AKAP6: variants seen among roughly 807,000 people sequenced by gnomAD.
AKAP6 encodes A-kinase anchor protein 6.
Under a neutral mutation model 188.5 loss-of-function variants are expected in AKAP6, and 58 were observed. The ratio of observed to expected loss-of-function variants is 0.31; its 90% CI spans 0.25 to 0.38. AKAP6 has a LOEUF of 0.38. Among genes scored for constraint, AKAP6 ranks in the 10% least tolerant of loss-of-function variants. The pLI is 1.00. For missense variants in AKAP6, 2,710 were observed against 2,740.0 expected (o/e 0.99, Z 0.24); for synonymous variants, 989 against 998.6 (o/e 0.99, Z 0.18).
intron 2 of AKAP6, chr14:32,474,028 G>A (rs963050330): frequency 6.6e-6 from 1 of 152,300 alleles, no homozygotes; most frequent in Non-Finnish European, 1.5e-5. Flanking sequence ...CTCTCAAGTA[G>A]CTGGGATTAC....
At chr14:32,576,953 G>GA (rs1884746530) in intron 4 of AKAP6, among the ~76,000 whole-genome samples, 167 bp from the exon 5 acceptor site, 1 of 152,158 alleles carries the variant, frequency 6.6e-6, no homozygotes, top group Admixed American at 6.5e-5. Flanking sequence ...TCAGGTCCAG[G>GA]AATAGTGGAA....
intron 2 of AKAP6, among the ~76,000 whole-genome samples, chr14:32,447,502 C>T (rs1453267249): frequency 2.6e-5 from 4 of 152,162 alleles, no homozygotes; most frequent in East Asian, 1.9e-4. Flanking sequence ...AGTTAGGACT[C>T]GGCCAAAAAA....
chr14:32,497,023 G>A (rs576177282), intron 2 of AKAP6, among the ~76,000 whole-genome samples: 4 of 152,210 alleles, frequency 2.6e-5, no homozygotes, highest in African/African-American at 7.2e-5. Context: ...TGCTGCCTAC[G>A]GTGTTTTTGA....
intron 1 of AKAP6, among the ~76,000 whole-genome samples, chr14:32,392,474 A>C (rs1017215802): frequency 8.5e-5 from 13 of 152,186 alleles, no homozygotes; most frequent in Non-Finnish European, 1.5e-4. Context: ...TGGCTTTAGT[A>C]TACATACATA....
chr14:32,685,711 C>T (rs192362117), intron 8 of AKAP6, among the ~76,000 whole-genome samples: 13 of 123,068 alleles, frequency 1.1e-4, no homozygotes, highest in Middle Eastern at 5.6e-3. Flanking sequence ...GGCGACAGAG[C>T]GAGACTCCAT....
chr14:32,382,333 A>ACATC, intron 1 of AKAP6, among the ~76,000 whole-genome samples: 1 of 152,214 alleles, frequency 6.6e-6, no homozygotes, highest in South Asian at 2.1e-4. Flanking sequence ...TCAGAGTGGG[A>ACATC]CATCACAGGT....
chr14:32,689,198 T>G (rs1890060677), intron 8 of AKAP6, among the ~76,000 whole-genome samples: 1 of 152,212 alleles, frequency 6.6e-6, no homozygotes, highest in Non-Finnish European at 1.5e-5. Flanking sequence ...TATCTAAAAA[T>G]TTGGATGAGC....
At chr14:32,521,742 C>A (rs1206988469) in intron 2 of AKAP6, among the ~76,000 whole-genome samples, 1 of 152,126 alleles carries the variant, frequency 6.6e-6, no homozygotes, top group Non-Finnish European at 1.5e-5. Context: ...GAATCAATAT[C>A]CTGAAAATGG....
chr14:32,359,256 G>C lies in AKAP6; in HGVS notation c.-35+29848G>C, dbSNP rs150972372. On this transcript the variant is annotated intron_variant, in intron 1 of 13. Coordinates refer to ENST00000280979, the MANE Select transcript of AKAP6 (RefSeq NM_004274.5). ...TGAGAGGAGCCTTTTCCAAAAAGTT[G>C]GTCTTTAAAAATGAACATTTTCCTG... is the stretch of plus-strand genomic sequence containing the variant. 9.2e-4 allele frequency among the ~76,000 whole-genome samples: 140 copies of C among 151,976 alleles called. 3 individuals are homozygous for C. The East Asian group carries it at 0.026, about 28-fold the overall frequency.
chr14:32,410,820 G>A (rs1029906107), intron 1 of AKAP6, among the ~76,000 whole-genome samples: 2 of 152,058 alleles, frequency 1.3e-5, no homozygotes, highest in African/African-American at 2.4e-5. Context: ...CTTAACTTTA[G>A]ATGATGTTGT....
chr14:32,592,622 A>G (rs1221252160), intron 5 of AKAP6, among the ~76,000 whole-genome samples: 4 of 152,168 alleles, frequency 2.6e-5, no homozygotes, highest in Non-Finnish European at 4.4e-5. Flanking sequence ...GGTCATGCTC[A>G]GGGCCTGGGT....
rs760009504 is a variant in AKAP6, at chr14:32,535,667, A to G, written c.438A>G (p.Ala146=). The change falls in exon 3 of 14, where the codon GCA becomes GCG. Residue 146 remains alanine, a synonymous_variant. Coordinates refer to ENST00000280979, the MANE Select transcript of AKAP6 (RefSeq NM_004274.5). ...YSVNVIVDIH[A]VQLLWHQLRV... ...TCAACGTGATAGTGGACATCCACGC[A>G]GTGCAGCTCCTCTGGCACCAGCTTC... 1.9e-6 allele frequency: 3 copies of G among 1,614,240 alleles called. No individual in the cohort carries two copies. The highest frequency in any genetic ancestry group is 2.2e-5 in the South Asian group (2 of 91,090).
chr14:32,497,340 G>C (rs1290468806), intron 2 of AKAP6, among the ~76,000 whole-genome samples: 1 of 152,064 alleles, frequency 6.6e-6, no homozygotes, highest in South Asian at 2.1e-4. Flanking sequence ...CATTTAAAAT[G>C]CTTTCTCATT....
intron 5 of AKAP6, among the ~76,000 whole-genome samples, chr14:32,579,795 A>G (rs960096774): frequency 3.3e-5 from 5 of 152,176 alleles, no homozygotes; most frequent in Non-Finnish European, 5.9e-5. Flanking sequence ...CCCATAAAAG[A>G]AAATGTATGA....
At chr14:32,414,560 T>C (rs1889595424) in intron 1 of AKAP6, among the ~76,000 whole-genome samples, 1 of 152,184 alleles carries the variant, frequency 6.6e-6, no homozygotes, top group African/African-American at 2.4e-5. Context: ...TCATCGGAGC[T>C]CACCTTATGA....
chr14:32,714,729 T>C (rs1008033490), intron 9 of AKAP6, among the ~76,000 whole-genome samples: 4 of 151,932 alleles, frequency 2.6e-5, no homozygotes, highest in Non-Finnish European at 5.9e-5. Context: ...TTTCACAGCA[T>C]GGAACAGATA....
chr14:32,527,757 T>C (rs1038260010), intron 2 of AKAP6, among the ~76,000 whole-genome samples: 12 of 152,222 alleles, frequency 7.9e-5, no homozygotes, highest in African/African-American at 2.9e-4. Flanking sequence ...TTTTCTTTGG[T>C]GAGGCATCTG....
At chr14:32,771,366 T>C (rs574430743) in intron 11 of AKAP6, among the ~76,000 whole-genome samples, 5 of 148,364 alleles carry the variant, frequency 3.4e-5, no homozygotes, top group African/African-American at 1.2e-4. Context: ...CCCTGCAGAA[T>C]TGTGAATATC....
intron 11 of AKAP6, among the ~76,000 whole-genome samples, chr14:32,757,956 G>A (rs1260626454): frequency 6.6e-6 from 1 of 152,172 alleles, no homozygotes; most frequent in Non-Finnish European, 1.5e-5. Flanking sequence ...ATAAGCGATG[G>A]AAGAAATTCC....
Sources: allele counts gnomAD v4.1 joint callset (sites outside exome capture counted in the v4.1 genomes callset), GRCh38; gene constraint gnomAD v4.1.1; transcripts MANE v1.5; gene names NCBI Gene and HGNC (gene_info 2026-07-23, HGNC 2026-07-21).